The following SGTB variants were observed in gnomAD, a reference collection of about 807,000 sequenced individuals.
SGTB encodes small glutamine rich tetratricopeptide repeat co-chaperone beta, also known as small glutamine-rich tetratricopeptide repeat-containing protein beta.
SGTB carries 19 observed loss-of-function variants against 43.9 expected under a neutral mutation model. The ratio of observed to expected loss-of-function variants is 0.43; its 90% CI spans 0.30 to 0.63. SGTB has a LOEUF of 0.63. Ranked by LOEUF, SGTB falls within the 30% of genes least tolerant of loss-of-function variation. The pLI, the probability that SGTB is intolerant of heterozygous loss-of-function variation, is 0.12. For missense variants in SGTB, 304 were observed against 358.9 expected (o/e 0.85, Z 1.24); for synonymous variants, 116 against 117.3 (o/e 0.99, Z 0.07).
At position 65,680,791 on chromosome 5, in the gene SGTB, C is replaced by T. The variant is rs1757380675; in HGVS notation, c.483G>A (p.Leu161=). The T allele has an allele frequency of 6.2e-7, 1 of 1,612,776 alleles. No homozygotes were observed. The highest frequency in any genetic ancestry group is 8.5e-7 in the Non-Finnish European group (1 of 1,179,852). The change falls in exon 7 of 11, where the codon CTG becomes CTA. Residue 161 remains leucine (L), a synonymous_variant. Coordinates refer to ENST00000381007, the MANE Select transcript of SGTB (RefSeq NM_019072.3). The stretch of plus-strand genomic sequence containing the variant: ...CAAATTTATTCAAGGCAGTGAGGGC[C>T]AGCCTGAAGGGAATAGAATATAAGA... ...KYSKAYGRMG[L]ALTALNKFEE...
chr5:65,717,893 G>T (rs1758181424), intron 2 of SGTB, among the ~76,000 whole-genome samples: 2 of 152,050 alleles, frequency 1.3e-5, no homozygotes, highest in Non-Finnish European at 2.9e-5. Flanking sequence ...TGGAGAGTTG[G>T]ATTTAAACAA....
chr5:65,707,116 CA>C, intron 4 of SGTB, among the ~76,000 whole-genome samples: 1 of 147,872 alleles, frequency 6.8e-6, no homozygotes, highest in Middle Eastern at 3.7e-3. Context: ...CAAAAAAATT[CA>C]CCAGGCGTGG....
At chr5:65,694,984 C>T (rs190452827) in intron 5 of SGTB, among the ~76,000 whole-genome samples, 18 of 152,094 alleles carry the variant, frequency 1.2e-4, no homozygotes, top group Admixed American at 1.1e-3. Flanking sequence ...AGATCTTATG[C>T]GTCATGTTGA....
At chr5:65,719,727 T>A (rs924383895) in intron 2 of SGTB, among the ~76,000 whole-genome samples, 1 of 152,198 alleles carries the variant, frequency 6.6e-6, no homozygotes, top group Non-Finnish European at 1.5e-5. Context: ...CACATAAACA[T>A]GAAGAACAAA....
intron 8 of SGTB, among the ~76,000 whole-genome samples, chr5:65,679,164 T>A (rs1757341574): frequency 6.6e-6 from 1 of 152,008 alleles, no homozygotes; most frequent in Non-Finnish European, 1.5e-5. Flanking sequence ...AACAACCCCA[T>A]TATAAAGTGG....
chr5:65,677,495 A>G (rs1358298802), intron 8 of SGTB, among the ~76,000 whole-genome samples: 1 of 152,194 alleles, frequency 6.6e-6, no homozygotes, highest in Admixed American at 6.5e-5. Flanking sequence ...CTATGAGGCC[A>G]ACATCATCCT....
chr5:65,669,610 A>G lies in SGTB; in HGVS notation c.*636T>C, dbSNP rs910069725. 6 of 152,352 alleles carry G rather than the reference A, an allele frequency of 3.9e-5. No individual in the cohort carries two copies. The highest frequency in any genetic ancestry group is 8.8e-5 in the Non-Finnish European group (6 of 68,004). 9.4% of individuals were successfully genotyped at this position (152,352 alleles called of 1,614,324 possible). On this transcript the variant is annotated 3_prime_UTR_variant, in exon 11 of 11. Coordinates refer to ENST00000381007, the MANE Select transcript of SGTB (RefSeq NM_019072.3). The stretch of plus-strand genomic sequence containing the variant: ...TACTTTCTATACATTCGCATTACCA[A>G]TTTTTTCTTTTCAAAACATCCCTTG...
At chr5:65,717,906 T>C (rs957763465) in intron 2 of SGTB, among the ~76,000 whole-genome samples, 2 of 151,916 alleles carry the variant, frequency 1.3e-5, no homozygotes, top group African/African-American at 2.4e-5. Flanking sequence ...TTAAACAAAG[T>C]TGGGCTTTGC....
Position 65,680,551 on chromosome 5 carries a change from T to G in SGTB, c.624A>C (p.Gly208=). 3 of 1,614,122 alleles carry G rather than the reference T, an allele frequency of 1.9e-6. No individual in the cohort carries two copies. The highest frequency in any genetic ancestry group is 2.5e-6 in the Non-Finnish European group (3 of 1,180,006). Residue 208 remains glycine (G), a synonymous_variant, in exon 8 of 11, where the codon GGA becomes GGC. Coordinates refer to ENST00000381007, the MANE Select transcript of SGTB (RefSeq NM_019072.3). ...TAGCCATGTCAAAGCTCAGTCCAGT[T>G]CCTGTCTGTAAAACAATTATATCTG... ...QKLREVSSPT[G]TGLSFDMASL...
intron 5 of SGTB, among the ~76,000 whole-genome samples, chr5:65,686,517 G>GTT (rs1384920398): frequency 7.3e-6 from 1 of 137,326 alleles, no homozygotes; most frequent in African/African-American, 2.7e-5. Context: ...ACCCACATTT[G>GTT]TTTTTTTTTT....
At chr5:65,704,154 TC>T in intron 5 of SGTB, 124 bp downstream of exon 5, 1 of 598,042 alleles carries the variant, frequency 1.7e-6, no homozygotes, top group Non-Finnish European at 2.6e-6. Context: ...GTTTATTTTT[TC>T]TTCCTTCTTT....
chr5:65,719,368 T>A (rs1447695014), intron 2 of SGTB, among the ~76,000 whole-genome samples: 1 of 152,050 alleles, frequency 6.6e-6, no homozygotes, highest in East Asian at 1.9e-4. Context: ...GGCGAGTGGA[T>A]CACTTGAGCC....
At chr5:65,691,744 T>C (rs1349608966) in intron 5 of SGTB, among the ~76,000 whole-genome samples, 1 of 151,286 alleles carries the variant, frequency 6.6e-6, no homozygotes, top group African/African-American at 2.4e-5. Flanking sequence ...ATCGAGACCA[T>C]CCTGGCTAAC....
intron 5 of SGTB, among the ~76,000 whole-genome samples, chr5:65,694,985 G>A (rs549847790): frequency 4.5e-4 from 69 of 152,200 alleles, no homozygotes; most frequent in African/African-American, 1.5e-3. Context: ...GATCTTATGC[G>A]TCATGTTGAG....
intron 5 of SGTB, among the ~76,000 whole-genome samples, chr5:65,686,497 T>C (rs958263093): frequency 3.3e-5 from 5 of 151,956 alleles, no homozygotes; most frequent in Admixed American, 2.6e-4. Flanking sequence ...GCTACCTTTA[T>C]TCTCTCTTTA....
At chr5:65,704,531 A>G (rs1055634314) in intron 4 of SGTB, among the ~76,000 whole-genome samples, 153 bp from the exon 5 acceptor site, 1 of 152,242 alleles carries the variant, frequency 6.6e-6, no homozygotes, top group African/African-American at 2.4e-5. Context: ...ATTGTACTAT[A>G]GAGTTGATAT....
At chr5:65,679,706 C>T (rs1757357201) in intron 8 of SGTB, among the ~76,000 whole-genome samples, 1 of 152,280 alleles carries the variant, frequency 6.6e-6, no homozygotes, top group Admixed American at 6.5e-5. Context: ...GCTTTTAACA[C>T]TGTTGGTGGA....
chr5:65,718,816 T>G (rs1037873929), intron 2 of SGTB, among the ~76,000 whole-genome samples: 2 of 151,990 alleles, frequency 1.3e-5, no homozygotes, highest in Admixed American at 1.3e-4. Context: ...TATTTTTGGC[T>G]GAATACCATC....
At chr5:65,701,929 G>A (rs1053274075) in intron 5 of SGTB, among the ~76,000 whole-genome samples, 2 of 152,118 alleles carry the variant, frequency 1.3e-5, no homozygotes, top group Non-Finnish European at 2.9e-5. Context: ...CACTGCGCCC[G>A]GCCTAAATTA....
Sources: gnomAD v4.1 joint callset for allele counts (sites outside exome capture counted in the v4.1 genomes callset) on GRCh38, gnomAD v4.1.1 for gene constraint, MANE v1.5 for transcripts, NCBI Gene and HGNC (gene_info 2026-07-23, HGNC 2026-07-21) for gene names.